CNTN4: variants seen among roughly 807,000 people sequenced by gnomAD.
CNTN4 encodes the protein contactin 4, also known as contactin-4.
A neutral mutation model predicts 122.5 loss-of-function variants in CNTN4; 77 were observed. The ratio of observed to expected loss-of-function variants is 0.63; its 90% CI spans 0.52 to 0.76. The LOEUF is 0.76. Ranked by LOEUF, CNTN4 falls within the 30% of genes least tolerant of loss-of-function variation. The pLI, the probability that CNTN4 is intolerant of heterozygous loss-of-function variation, is 0.00. For synonymous variants in CNTN4, 512 were observed against 447.0 expected, an observed-to-expected ratio of 1.15 and a Z score of -1.83; for missense variants, 1,256 against 1,259.1, an observed-to-expected ratio of 1.00 and a Z score of 0.04.
intron 3 of CNTN4, among the ~76,000 whole-genome samples, chr3:2,539,567 G>A (rs1308784633): frequency 2.0e-5 from 3 of 152,160 alleles, no homozygotes; most frequent in Non-Finnish European, 4.4e-5. Flanking sequence ...ATAATAAGCC[G>A]TCCATGGTAT....
intron 7 of CNTN4, among the ~76,000 whole-genome samples, chr3:2,856,622 C>A (rs1377946919): frequency 6.6e-6 from 1 of 152,210 alleles, no homozygotes; most frequent in East Asian, 1.9e-4. Context: ...GGGCACAGCC[C>A]TCCCACTGTG....
intron 7 of CNTN4, among the ~76,000 whole-genome samples, chr3:2,828,426 A>T (rs765516113): frequency 5.0e-4 from 76 of 152,142 alleles, no homozygotes; most frequent in Non-Finnish European, 8.7e-4. Context: ...AAAATGTAGG[A>T]TCTCGTCATC....
intron 2 of CNTN4, among the ~76,000 whole-genome samples, chr3:2,112,156 A>G (rs917633009): frequency 1.3e-5 from 2 of 152,108 alleles, no homozygotes; most frequent in African/African-American, 4.8e-5. Flanking sequence ...AATCTTATTT[A>G]TTAGAAAGAA....
intron 19 of CNTN4, 135 bp downstream of exon 19, chr3:3,039,138 T>TCTCAC (rs1345674025): frequency 6.7e-5 from 52 of 777,768 alleles, no homozygotes; most frequent in Non-Finnish European, 1.0e-4. Flanking sequence ...AGACACTCCC[T>TCTCAC]CTCACGTAGC....
chr3:2,498,997 C>G (rs1559609780), intron 3 of CNTN4, among the ~76,000 whole-genome samples: 1 of 152,038 alleles, frequency 6.6e-6, no homozygotes, highest in Non-Finnish European at 1.5e-5. Flanking sequence ...AACATGTTGG[C>G]CAGGCTGATC....
rs1165138130 is a variant in CNTN4 at position 2,736,263 on chromosome 3, T to C, written c.104T>C (p.Val35Ala). The C allele has an allele frequency of 6.2e-7, 1 of 1,613,660 alleles. No homozygotes were observed. The highest frequency in any genetic ancestry group is 2.2e-5 in the East Asian group (1 of 44,832). Residue 35 changes from valine (V) to alanine (A), a missense_variant, in exon 5 of 25, where the codon GTA (valine) becomes GCA (alanine). Transcript: ENST00000418658. ...GPIFIQEPSP[V>A]MFPLDSEEKK... ...ATTTTTATTCAAGAACCAAGTCCTGTAATGTTCCCTTTGGATTCTGAGGAG... is the reference window on the plus strand; with the variant it reads ...ATTTTTATTCAAGAACCAAGTCCTGCAATGTTCCCTTTGGATTCTGAGGAG...
intron 3 of CNTN4, among the ~76,000 whole-genome samples, chr3:2,478,472 T>C (rs947413707): frequency 2.3e-5 from 3 of 128,942 alleles, no homozygotes; most frequent in African/African-American, 9.2e-5. Flanking sequence ...ATGTGTAGGT[T>C]TGTTACATAG....
At chr3:2,377,877 T>A (rs934828036) in intron 3 of CNTN4, among the ~76,000 whole-genome samples, 1 of 152,136 alleles carries the variant, frequency 6.6e-6, no homozygotes, top group Non-Finnish European at 1.5e-5. Flanking sequence ...GCCAAAAGAT[T>A]GGACACTCCT....
chr3:2,344,883 G>T (rs1214469469), intron 3 of CNTN4, among the ~76,000 whole-genome samples: 3 of 152,166 alleles, frequency 2.0e-5, no homozygotes, highest in African/African-American at 4.8e-5. Context: ...TCCAGGGTTG[G>T]CTTTTCTCTT....
chr3:2,657,789 T>C (rs942872334), intron 4 of CNTN4, among the ~76,000 whole-genome samples: 1 of 151,920 alleles, frequency 6.6e-6, no homozygotes, highest in African/African-American at 2.4e-5. Flanking sequence ...TATATGTTTA[T>C]AAGAAAGATT....
chr3:2,600,563 G>T (rs1445918615), intron 4 of CNTN4, among the ~76,000 whole-genome samples: 1 of 152,136 alleles, frequency 6.6e-6, no homozygotes, highest in Admixed American at 6.6e-5. Context: ...GTATTCCATG[G>T]TGTCTATGTG....
chr3:2,486,492 T>C (rs1050613432), intron 3 of CNTN4, among the ~76,000 whole-genome samples: 1 of 152,310 alleles, frequency 6.6e-6, no homozygotes, highest in Admixed American at 6.5e-5. Context: ...TGAAAAACAG[T>C]TGTTCACTAA....
chr3:2,652,963 A>C (rs1055494304), intron 4 of CNTN4, among the ~76,000 whole-genome samples: 2 of 152,148 alleles, frequency 1.3e-5, no homozygotes, highest in Admixed American at 6.6e-5. Context: ...GCAACAGCTA[A>C]GCTTTCCATA....
At position 2,871,087 on chromosome 3, in the gene CNTN4, A is replaced by G. The variant is rs973266327; in HGVS notation, c.652+4138A>G. Among the ~76,000 whole-genome samples, 6 of 152,296 alleles carry G rather than the reference A, an allele frequency of 3.9e-5. No homozygotes were observed. In the South Asian group the frequency reaches 6.2e-4, roughly 16 times the overall value. On this transcript the variant is annotated intron_variant, in intron 8 of 24. Coordinates refer to ENST00000418658, the MANE Select transcript of CNTN4 (RefSeq NM_175607.3). The stretch of plus-strand genomic sequence containing the variant: ...CTATGTGGGGCCAGGAGGTAAGGAC[A>G]CAAGCCATGAGGATCCCGAAGCCAA...
intron 3 of CNTN4, among the ~76,000 whole-genome samples, chr3:2,553,011 C>T (rs2078576506): frequency 6.6e-6 from 1 of 152,134 alleles, no homozygotes; most frequent in Non-Finnish European, 1.5e-5. Flanking sequence ...CACGTCTTAC[C>T]TGGAAAACGA....
intron 3 of CNTN4, among the ~76,000 whole-genome samples, chr3:2,519,762 T>C (rs2077144663): frequency 6.6e-6 from 1 of 152,196 alleles, no homozygotes; most frequent in Non-Finnish European, 1.5e-5. Flanking sequence ...CTGTTTATTT[T>C]TAAAATGTGT....
At chr3:2,481,171 C>T (rs578190113) in intron 3 of CNTN4, among the ~76,000 whole-genome samples, 30 of 151,078 alleles carry the variant, frequency 2.0e-4, no homozygotes, top group South Asian at 4.2e-4. Context: ...AACAGAGTCT[C>T]GCTCTGTCAC....
chr3:2,807,394 T>C (rs1420783864), intron 6 of CNTN4, among the ~76,000 whole-genome samples: 1 of 152,178 alleles, frequency 6.6e-6, no homozygotes, highest in East Asian at 1.9e-4. Context: ...GATAAAAATA[T>C]ATGGTTGAAG....
At chr3:2,601,860 T>C (rs911508966) in intron 4 of CNTN4, among the ~76,000 whole-genome samples, 2 of 152,096 alleles carry the variant, frequency 1.3e-5, no homozygotes, top group African/African-American at 2.4e-5. Context: ...ACTGGCAAAC[T>C]GAATCCAGCA....
Sources: gnomAD v4.1 joint callset for allele counts (sites outside exome capture counted in the v4.1 genomes callset) on GRCh38, gnomAD v4.1.1 for gene constraint, MANE v1.5 for transcripts, NCBI Gene and HGNC (gene_info 2026-07-23, HGNC 2026-07-21) for gene names.